MSMB: variants seen among roughly 807,000 people sequenced by gnomAD.
MSMB encodes microseminoprotein beta, also known as beta-microseminoprotein.
Under a neutral mutation model 10.5 loss-of-function variants are expected in MSMB, and 10 were observed. The observed-to-expected ratio is 0.95, with a 90% CI of 0.59 to 1.62. The LOEUF (loss-of-function observed/expected upper bound fraction) is 1.62, where lower values mean the gene tolerates loss of function less well. MSMB is among the 40% of genes most tolerant of loss of function. The pLI, the probability that MSMB is intolerant of heterozygous loss-of-function variation, is 0.00. For missense variants in MSMB, 126 were observed against 137.4 expected, an observed-to-expected ratio of 0.92 and a Z score of 0.42; for synonymous variants, 43 against 46.5, an observed-to-expected ratio of 0.93 and a Z score of 0.30.
chr10:46,038,292 A>G (rs1840657696), intron 3 of MSMB, among the ~76,000 whole-genome samples: 1 of 143,596 alleles, frequency 7.0e-6, no homozygotes, highest in Admixed American at 7.0e-5. Flanking sequence ...TTTTACCGCA[A>G]TTTTTTTTTT....
At chr10:46,041,206 G>A (rs375843027) in intron 1 of MSMB, among the ~76,000 whole-genome samples, 1 of 152,046 alleles carries the variant, frequency 6.6e-6, no homozygotes, top group African/African-American at 2.4e-5. Context: ...TTAGCTGGGC[G>A]TGGCGGCACA....
At position 46,033,351 on chromosome 10, in the gene MSMB, C is replaced by A. The variant is rs1474498680; in HGVS notation, c.*71G>T. ...CTTTTTACTGATAGGCATGGCTACACAATCATTGACTATTAGAGGCCAGAG... is the reference window on the plus strand; with the variant it reads ...CTTTTTACTGATAGGCATGGCTACAAAATCATTGACTATTAGAGGCCAGAG... On this transcript the variant is annotated 3_prime_UTR_variant, in exon 4 of 4. Coordinates refer to ENST00000582163, the MANE Select transcript of MSMB (RefSeq NM_002443.4). The A allele has an allele frequency of 6.4e-7, 1 of 1,563,302 alleles. No individual in the cohort carries two copies. Among genetic ancestry groups the A allele is most frequent in the African/African-American group, 1.4e-5 (1 of 72,908 alleles).
intron 1 of MSMB, among the ~76,000 whole-genome samples, chr10:46,041,250 TG>T: frequency 6.9e-6 from 1 of 144,368 alleles, no homozygotes; most frequent in East Asian, 2.1e-4. Context: ...GAGGCTGAGG[TG>T]GGAGAATCAC....
At chr10:46,036,972 C>G (rs1248795413) in intron 3 of MSMB, among the ~76,000 whole-genome samples, 1 of 152,224 alleles carries the variant, frequency 6.6e-6, no homozygotes, top group Non-Finnish European at 1.5e-5. Flanking sequence ...AATCAAGGTT[C>G]AGCTGTAATA....
At chr10:46,044,768 A>G (rs1840853470) in intron 1 of MSMB, among the ~76,000 whole-genome samples, 1 of 151,866 alleles carries the variant, frequency 6.6e-6, no homozygotes, top group South Asian at 2.1e-4. Flanking sequence ...CCTGGGCAAC[A>G]TAGTAAAAAC....
intron 3 of MSMB, among the ~76,000 whole-genome samples, chr10:46,038,629 C>T (rs1406579333): frequency 6.6e-6 from 1 of 151,954 alleles, no homozygotes; most frequent in South Asian, 2.1e-4. Context: ...GAAAACTAAC[C>T]CCCCAATACC....
intron 1 of MSMB, among the ~76,000 whole-genome samples, chr10:46,040,480 C>T (rs1235669615): frequency 1.3e-5 from 2 of 152,172 alleles, no homozygotes. Context: ...AGTTGCTTAA[C>T]CAACCTTCTA....
intron 3 of MSMB, among the ~76,000 whole-genome samples, chr10:46,035,185 T>A (rs1554927402): frequency 6.6e-6 from 1 of 152,204 alleles, no homozygotes; most frequent in African/African-American, 2.4e-5. Flanking sequence ...CTGGTAGGAA[T>A]GTAAAATGGT....
In MSMB at chr10:46,046,259, T is replaced by C. The variant is rs1020362877; in HGVS notation, c.-22A>G. On this transcript the variant is annotated 5_prime_UTR_variant, in exon 1 of 4. Transcript: ENST00000582163. ...CCATTGTGATAAGCAGGACTCCTTATAGACAGGTACATCCAGGCAAAGCTG... is the reference window on the plus strand; with the variant it reads ...CCATTGTGATAAGCAGGACTCCTTACAGACAGGTACATCCAGGCAAAGCTG... 3 of 1,611,796 alleles carry C rather than the reference T, an allele frequency of 1.9e-6. No individual in the cohort carries two copies. Among genetic ancestry groups the C allele is most frequent in the Admixed American group, 1.7e-5 (1 of 59,962 alleles).
intron 3 of MSMB, among the ~76,000 whole-genome samples, chr10:46,036,734 C>T (rs923956934): frequency 1.3e-5 from 2 of 152,238 alleles, no homozygotes; most frequent in South Asian, 2.1e-4. Flanking sequence ...CAGCCTGGCT[C>T]GTTTCCACAC....
rs782008629 is a variant in MSMB at position 46,041,277 on chromosome 10, G to A, written c.4-1186C>T. Among the ~76,000 whole-genome samples, 36 of 150,552 alleles carry A rather than the reference G, an allele frequency of 2.4e-4. 1 individual carries two copies. Among genetic ancestry groups the A allele is most frequent in the East Asian group, 1.2e-3 (6 of 5,068 alleles). ...GGAGAATCACTTGAGCCTGGGAGGC[G>A]GAGGTTGCAGTGAGCCAAGATTGTG... On this transcript the variant is annotated intron_variant, in intron 1 of 3. Transcript: ENST00000582163.
At chr10:46,046,109 C>A (rs182364761) in intron 1 of MSMB, 126 bp downstream of exon 1, 147 of 1,004,996 alleles carry the variant, frequency 1.5e-4, no homozygotes, top group Non-Finnish European at 2.0e-4. Context: ...CAGGTAATAA[C>A]ATAAGGTTCC....
At chr10:46,034,271 C>G (rs1205493962) in intron 3 of MSMB, among the ~76,000 whole-genome samples, 7 of 151,888 alleles carry the variant, frequency 4.6e-5, no homozygotes, top group African/African-American at 1.5e-4. Flanking sequence ...CACCACTACA[C>G]CCAGCTAATT....
chr10:46,037,177 G>A (rs980370122), intron 3 of MSMB, among the ~76,000 whole-genome samples: 9 of 152,120 alleles, frequency 5.9e-5, no homozygotes, highest in Admixed American at 1.3e-4. Flanking sequence ...TTCTTTACTC[G>A]CAGTGTCCTC....
In MSMB at chr10:46,039,066, T is replaced by C. The variant is rs375423556; in HGVS notation, c.115A>G (p.Met39Val). Residue 39 changes from methionine (M) to valine (V), a missense_variant, in exon 3 of 4, where the codon ATG becomes GTG. Physicochemically the swap from Met to Val is conservative, Grantham distance 21. Transcript: ENST00000582163. ...GVPGDSTRKC[M>V]DLKGNKHPIN... Reference sequence around the variant, plus strand: ...GGGTGTTTGTTTCCTTTGAGATCCATGCATTCTAAAATAATACACACAACA... The same window carrying C: ...GGGTGTTTGTTTCCTTTGAGATCCACGCATTCTAAAATAATACACACAACA... 6.8e-6 allele frequency: 11 copies of C among 1,613,586 alleles called. No homozygotes were observed. The highest frequency in any genetic ancestry group is 9.3e-6 in the Non-Finnish European group (11 of 1,179,692).
chr10:46,040,014 A>G lies in MSMB; in HGVS notation c.81T>C (p.Asn27=), dbSNP rs1445584919. The part of the protein sequence containing the change: ...LCNASCYFIP[N]EGVPGDSTRK... ...TGGTTGAATCTCCTGGAACTCCCTC[A>G]TTAGGTATGAAATAGCATGATGCAT... Residue 27 remains asparagine (N), a synonymous_variant, in exon 2 of 4, where the codon AAT becomes AAC. Coordinates refer to ENST00000582163, the MANE Select transcript of MSMB (RefSeq NM_002443.4). 5.6e-6 allele frequency: 9 copies of G among 1,614,000 alleles called. No individual in the cohort carries two copies. The highest frequency in any genetic ancestry group is 1.3e-5 in the African/African-American group (1 of 75,062).
intron 1 of MSMB, among the ~76,000 whole-genome samples, chr10:46,042,192 T>C (rs1840770362): frequency 6.6e-6 from 1 of 152,036 alleles, no homozygotes; most frequent in African/African-American, 2.4e-5. Context: ...TAGAAAGATA[T>C]CAAATTTTCA....
chr10:46,037,614 TAA>T lies in MSMB; in HGVS notation c.215+1350_215+1351del, dbSNP rs199817161. On this transcript the variant is annotated intron_variant, in intron 3 of 3. Coordinates refer to ENST00000582163, the MANE Select transcript of MSMB (RefSeq NM_002443.4). ...GTTAAACTTGAGCAGTGAAGCAGCA[TAA>T]GTTTTATGGTGCAAGGCACACTACA... Among the ~76,000 whole-genome samples the T allele has an allele frequency of 3.0e-3, 458 of 152,096 alleles. 6 individuals are homozygous for T. The highest frequency in any genetic ancestry group is 0.025 in the Admixed American group (388 of 15,294).
intron 2 of MSMB, among the ~76,000 whole-genome samples, chr10:46,039,420 G>T (rs1163200707): frequency 2.0e-5 from 3 of 152,190 alleles, no homozygotes; most frequent in African/African-American, 7.2e-5. Context: ...CTCTGGATGA[G>T]AATCTCACTT....
Sources: gnomAD v4.1 joint callset for allele counts (sites outside exome capture counted in the v4.1 genomes callset) on GRCh38, gnomAD v4.1.1 for gene constraint, MANE v1.5 for transcripts, NCBI Gene and HGNC (gene_info 2026-07-23, HGNC 2026-07-21) for gene names.